PFKP: variants seen among roughly 807,000 people sequenced by gnomAD.
PFKP encodes phosphofructokinase, platelet.
Under a neutral mutation model 94.3 loss-of-function variants are expected in PFKP, and 101 were observed. The ratio of observed to expected loss-of-function variants is 1.07; its 90% CI spans 0.91 to 1.26. The LOEUF (loss-of-function observed/expected upper bound fraction) is 1.26, where lower values mean the gene tolerates loss of function less well. Ranked by LOEUF, PFKP falls within the 50% of genes most tolerant of loss-of-function variation. The pLI, the probability that PFKP is intolerant of heterozygous loss-of-function variation, is 0.00. For synonymous variants in PFKP, 573 were observed against 432.6 expected (o/e 1.32, Z -4.03); for missense variants, 1,145 against 1,103.3 (o/e 1.04, Z -0.53).
intron 20 of PFKP, among the ~76,000 whole-genome samples, 164 bp downstream of exon 20, chr10:3,134,746 C>T (rs1459551930): frequency 5.3e-5 from 8 of 152,232 alleles, no homozygotes; most frequent in African/African-American, 1.9e-4. Flanking sequence ...TGCTATTTAA[C>T]CAACCTTGGA....
chr10:3,128,439 A>C (rs1000671077), intron 16 of PFKP, among the ~76,000 whole-genome samples: 31 of 152,336 alleles, frequency 2.0e-4, no homozygotes, highest in African/African-American at 7.2e-4. Flanking sequence ...GAGCTGAGGA[A>C]GGTGCCTCTG....
chr10:3,102,976 C>T lies in PFKP; in HGVS notation c.455-803C>T, dbSNP rs1407617616. ...GTCCGGGCCCAAGCTTGCCCCTGGCCCTTCAGTGGTTCCGATTCCCTTTAT... is the reference window on the plus strand; with the variant it reads ...GTCCGGGCCCAAGCTTGCCCCTGGCTCTTCAGTGGTTCCGATTCCCTTTAT... On this transcript the variant is annotated intron_variant, in intron 4 of 21. Transcript: ENST00000381125. 2.6e-5 allele frequency among the ~76,000 whole-genome samples: 4 copies of T among 152,312 alleles called. No homozygotes were observed. The South Asian group carries it at 8.3e-4, about 32-fold the overall frequency.
chr10:3,067,742 G>A, intron 1 of PFKP, 35 bp downstream of exon 1: 1 of 1,196,080 alleles, frequency 8.4e-7, no homozygotes. Flanking sequence ...AGGGAGGGAC[G>A]GACGGACGGA....
At chr10:3,071,882 C>T (rs1041139177) in intron 1 of PFKP, among the ~76,000 whole-genome samples, 1 of 152,232 alleles carries the variant, frequency 6.6e-6, no homozygotes, top group Non-Finnish European at 1.5e-5. Flanking sequence ...TGGGCAATGA[C>T]TTATCCCTAT....
In PFKP at chr10:3,135,824, G is replaced by A. The variant is rs767277593; in HGVS notation, c.2211G>A (p.Lys737=). ...TTCAACCTGTGGCAGAGCTGAAGAA[G>A]CAAACGGATTTTGAGTAAGTTGGCT... is the stretch of plus-strand genomic sequence containing the variant. ...VIFQPVAELK[K]QTDFEHRIPK... Residue 737 remains lysine, a synonymous_variant, in exon 21 of 22, where the codon AAG becomes AAA. Coordinates refer to ENST00000381125, the MANE Select transcript of PFKP (RefSeq NM_002627.5). 11 of 1,611,262 alleles carry A rather than the reference G, an allele frequency of 6.8e-6. No individual in the cohort carries two copies. The Admixed American group carries it at 1.8e-4, about 27-fold the overall frequency.
chr10:3,098,032 C>CAT (rs139465233), intron 2 of PFKP, among the ~76,000 whole-genome samples: 7,184 of 152,016 alleles, frequency 0.047, 639 homozygotes, highest in African/African-American at 0.17. Flanking sequence ...AATAAACACA[C>CAT]ATATATATAT....
chr10:3,094,682 G>T (rs973763280), intron 2 of PFKP, among the ~76,000 whole-genome samples: 4 of 152,144 alleles, frequency 2.6e-5, no homozygotes, highest in African/African-American at 9.7e-5. Context: ...TGAAATTCCT[G>T]CCGCCTCTCT....
chr10:3,133,571 T>C (rs3740612), intron 19 of PFKP, among the ~76,000 whole-genome samples: 109,607 of 151,854 alleles, frequency 0.72, 39,613 homozygotes, highest in East Asian at 0.74. Context: ...GATGGCAGTA[T>C]AGGCACCCAC....
At chr10:3,104,769 G>T (rs562782344) in intron 5 of PFKP, 33 of 358,382 alleles carry the variant, frequency 9.2e-5, no homozygotes, top group African/African-American at 4.1e-4. Flanking sequence ...AGCAGCTGCC[G>T]ACTGTGCCCA....
intron 1 of PFKP, chr10:3,068,811 G>T (rs1006378566): frequency 9.3e-6 from 5 of 538,032 alleles, no homozygotes; most frequent in Non-Finnish European, 1.2e-5. Flanking sequence ...GAGACGCGGC[G>T]CGCCCCGAGC....
chr10:3,120,348 T>C (rs1837278411), intron 16 of PFKP, among the ~76,000 whole-genome samples: 1 of 144,448 alleles, frequency 6.9e-6, no homozygotes, highest in South Asian at 2.3e-4. Flanking sequence ...TCTCCTGTGA[T>C]TGTACCAGCA....
intron 21 of PFKP, among the ~76,000 whole-genome samples, 200 bp from the exon 22 acceptor site, chr10:3,136,250 C>T (rs9423494): frequency 6.6e-5 from 10 of 151,970 alleles, no homozygotes; most frequent in African/African-American, 1.7e-4. Context: ...GGCGACAGAG[C>T]GAGACTCCAC....
intron 1 of PFKP, among the ~76,000 whole-genome samples, chr10:3,082,096 C>T (rs945466562): frequency 2.0e-5 from 3 of 147,492 alleles, no homozygotes; most frequent in Non-Finnish European, 3.0e-5. Flanking sequence ...GCAAATAAAC[C>T]CCTATTCTGT....
chr10:3,079,413 T>G (rs1832851455), intron 1 of PFKP, among the ~76,000 whole-genome samples: 1 of 152,040 alleles, frequency 6.6e-6, no homozygotes, highest in Middle Eastern at 3.4e-3. Context: ...TTTTTGTATT[T>G]TTAGTAGAGA....
At chr10:3,086,608 A>C (rs897421951) in intron 2 of PFKP, among the ~76,000 whole-genome samples, 2 of 152,128 alleles carry the variant, frequency 1.3e-5, no homozygotes, top group Non-Finnish European at 2.9e-5. Context: ...AATGGTCCAG[A>C]CCCAAATGTT....
rs184032801 is a variant in PFKP, at chr10:3,132,148, C to T, written c.1849-232C>T. ...ACCCTGTTGACTCTGGAAGGTGTTG[C>T]TAGTGGCCGCCGTGAGGGCTGCTCA... On this transcript the variant is annotated intron_variant, in intron 17 of 21. Transcript: ENST00000381125. 2.0e-5 allele frequency among the ~76,000 whole-genome samples: 3 copies of T among 152,244 alleles called. No individual in the cohort carries two copies. The East Asian group carries it at 5.8e-4, about 29-fold the overall frequency.
In PFKP at chr10:3,112,273, C is replaced by G. The variant is rs575893132; in HGVS notation, c.1141C>G (p.Arg381Gly). The change falls in exon 11 of 22, where the codon CGA (arginine) becomes GGA (glycine). Residue 381 changes from arginine to glycine, a missense_variant. Arg to Gly is a moderately radical substitution (Grantham distance 125, BLOSUM62 -2). Coordinates refer to ENST00000381125, the MANE Select transcript of PFKP (RefSeq NM_002627.5). ...CGAGAGGAGATTTCAAGATGCGGTT[C>G]GACTCCGAGGGAGGTGAGGTGCTTT... ...MDERRFQDAV[R>G]LRGRSFAGNL... The G allele has an allele frequency of 1.2e-6, 2 of 1,613,380 alleles. No individual in the cohort carries two copies. Among genetic ancestry groups the G allele is most frequent in the Non-Finnish European group, 1.7e-6 (2 of 1,179,304 alleles).
intron 2 of PFKP, among the ~76,000 whole-genome samples, chr10:3,087,267 C>T (rs1443573550): frequency 6.6e-6 from 1 of 152,182 alleles, no homozygotes; most frequent in Non-Finnish European, 1.5e-5. Context: ...CTCAGAGGCC[C>T]TGGGCTTTCT....
At chr10:3,098,838 T>C (rs1163806826) in intron 2 of PFKP, among the ~76,000 whole-genome samples, 1 of 152,102 alleles carries the variant, frequency 6.6e-6, no homozygotes, top group African/African-American at 2.4e-5. Context: ...ACATCCCAAG[T>C]GGCGCAGGGT....
Sources: gnomAD v4.1 joint callset for allele counts (sites outside exome capture counted in the v4.1 genomes callset) on GRCh38, gnomAD v4.1.1 for gene constraint, MANE v1.5 for transcripts, NCBI Gene and HGNC (gene_info 2026-07-23, HGNC 2026-07-21) for gene names.